POLD3: variants seen among roughly 807,000 people sequenced by gnomAD.
POLD3 encodes the protein DNA polymerase delta subunit 3.
In POLD3, 19 loss-of-function variants were observed where a neutral mutation model predicts 58.2. The observed-to-expected ratio is 0.33, with a 90% CI of 0.23 to 0.48. The LOEUF (loss-of-function observed/expected upper bound fraction) is 0.48. Among genes scored for constraint, POLD3 ranks in the 20% least tolerant of loss-of-function variants. The pLI is 0.99. For missense variants in POLD3, 504 were observed against 545.5 expected, an observed-to-expected ratio of 0.92 and a Z score of 0.76; for synonymous variants, 172 against 193.5, an observed-to-expected ratio of 0.89 and a Z score of 0.92.
intron 9 of POLD3, among the ~76,000 whole-genome samples, chr11:74,631,477 CTTT>C (rs1158260012): frequency 1.0e-4 from 11 of 110,288 alleles, no homozygotes; most frequent in African/African-American, 2.8e-4. Context: ...TTTGTCTTGT[CTTT>C]TTTTTTTTTT....
chr11:74,605,925 A>G (rs367687182), intron 3 of POLD3, among the ~76,000 whole-genome samples: 1 of 152,134 alleles, frequency 6.6e-6, no homozygotes, highest in African/African-American at 2.4e-5. Context: ...CTCTACAAAA[A>G]ATACAAAAAT....
In POLD3 at chr11:74,641,729, C is replaced by T. The variant is rs75291897; in HGVS notation, c.*963C>T. The T allele has an allele frequency of 6.6e-3, 6,466 of 985,234 alleles. 355 individuals carry two copies. The African/African-American group carries it at 0.1, about 16-fold the overall frequency. 61.0% of individuals were successfully genotyped at this position (985,234 alleles called of 1,614,324 possible). On this transcript the variant is annotated 3_prime_UTR_variant, in exon 12 of 12. Transcript: ENST00000263681. The stretch of plus-strand genomic sequence containing the variant: ...GAAAACAGAATATTCAAAAACAGCA[C>T]TTTTCCAGGAAGTTAGTGAGGAAGA...
At chr11:74,631,074 C>T (rs2032575950) in intron 9 of POLD3, among the ~76,000 whole-genome samples, 1 of 152,244 alleles carries the variant, frequency 6.6e-6, no homozygotes, top group Non-Finnish European at 1.5e-5. Context: ...TTATAAACCT[C>T]TGACATTTTA....
chr11:74,623,238 C>T (rs559116891), intron 7 of POLD3, among the ~76,000 whole-genome samples: 84 of 152,178 alleles, frequency 5.5e-4, no homozygotes, highest in African/African-American at 1.9e-3. Context: ...TCGAGACCAT[C>T]CTGGCTAACA....
chr11:74,639,172 C>T (rs1255441522), intron 11 of POLD3, among the ~76,000 whole-genome samples: 2 of 152,312 alleles, frequency 1.3e-5, no homozygotes, highest in East Asian at 1.9e-4. Context: ...GAAGCAAATT[C>T]TCAGGTCCCA....
chr11:74,636,884 C>G (rs923312890), intron 11 of POLD3, among the ~76,000 whole-genome samples: 1 of 152,192 alleles, frequency 6.6e-6, no homozygotes, highest in African/African-American at 2.4e-5. Flanking sequence ...AATTAGAGTT[C>G]AGGCTTTGAG....
intron 3 of POLD3, among the ~76,000 whole-genome samples, chr11:74,607,562 G>A (rs2031732564): frequency 1.3e-5 from 2 of 151,804 alleles, no homozygotes; most frequent in South Asian, 4.2e-4. Context: ...CACCGCGCCT[G>A]GACTTATTTT....
chr11:74,632,861 C>T (rs2032631661), intron 9 of POLD3, among the ~76,000 whole-genome samples: 1 of 126,930 alleles, frequency 7.9e-6, no homozygotes, highest in African/African-American at 3.3e-5. Flanking sequence ...TGGTGGTTTT[C>T]CTTTATTTAA....
intron 3 of POLD3, among the ~76,000 whole-genome samples, chr11:74,610,444 C>T (rs12295991): frequency 0.033 from 5,074 of 152,156 alleles, 270 homozygotes; most frequent in African/African-American, 0.11. Flanking sequence ...CTCTTGACCT[C>T]GTGATCTGCC....
At chr11:74,635,057 C>T (rs1156701200) in intron 10 of POLD3, among the ~76,000 whole-genome samples, 1 of 152,186 alleles carries the variant, frequency 6.6e-6, no homozygotes, top group African/African-American at 2.4e-5. Flanking sequence ...AACAACTTAA[C>T]ACACGTTTGT....
intron 4 of POLD3, among the ~76,000 whole-genome samples, chr11:74,650,447 T>C (rs1405921504): frequency 6.6e-6 from 1 of 152,232 alleles, no homozygotes; most frequent in Non-Finnish European, 1.5e-5. Context: ...ATATTTCTAC[T>C]TGAAGTCGTT....
At chr11:74,627,746 A>G (rs2032473306) in intron 8 of POLD3, among the ~76,000 whole-genome samples, 1 of 152,190 alleles carries the variant, frequency 6.6e-6, no homozygotes. Context: ...TACAGTATTG[A>G]GTACAGTAAC....
At chr11:74,600,331 T>C (rs1023251214) in intron 2 of POLD3, among the ~76,000 whole-genome samples, 2 of 152,176 alleles carry the variant, frequency 1.3e-5, no homozygotes, top group African/African-American at 4.8e-5. Context: ...ATGCCTGTAA[T>C]CCTAGCACTT....
At chr11:74,667,540 T>C (rs1009762840) in intron 4 of POLD3, among the ~76,000 whole-genome samples, 50 of 151,416 alleles carry the variant, frequency 3.3e-4, no homozygotes, top group African/African-American at 1.2e-3. Flanking sequence ...AAAAAAAAGG[T>C]AAATTTTATG....
downstream of POLD3, among the ~76,000 whole-genome samples, chr11:74,644,160 A>C (rs1750710813): frequency 6.6e-6 from 1 of 152,228 alleles, no homozygotes; most frequent in South Asian, 2.1e-4. Context: ...AGAAGACATT[A>C]GTTATTATAC....
chr11:74,611,258 CTG>C (rs1397951765), intron 3 of POLD3, among the ~76,000 whole-genome samples: 1 of 152,174 alleles, frequency 6.6e-6, no homozygotes, highest in African/African-American at 2.4e-5. Context: ...GTACTGAAAT[CTG>C]TGCTAGATCA....
At chr11:74,610,779 C>T in intron 3 of POLD3, among the ~76,000 whole-genome samples, 1 of 151,590 alleles carries the variant, frequency 6.6e-6, no homozygotes, top group East Asian at 2.0e-4. Context: ...TATATGTGTT[C>T]TTCTCTTTTT....
chr11:74,629,243 A>T lies in POLD3; in HGVS notation c.926A>T (p.Asp309Val), dbSNP rs1465580970. The T allele has an allele frequency of 6.2e-7, 1 of 1,605,660 alleles. No individual in the cohort carries two copies. Among genetic ancestry groups the T allele is most frequent in the Non-Finnish European group, 8.5e-7 (1 of 1,174,926 alleles). The change falls in exon 9 of 12, where the codon GAT becomes GTT. Residue 309 changes from aspartate to valine, a missense_variant. Transcript: ENST00000263681. ...KRGKRVALSD[D>V]ETKETENMRK... ...GGGAAGCGAGTAGCATTATCTGATGATGAGACAAAGGAAACTGAAAACATG... is the reference window on the plus strand; with the variant it reads ...GGGAAGCGAGTAGCATTATCTGATGTTGAGACAAAGGAAACTGAAAACATG...
intron 4 of POLD3, among the ~76,000 whole-genome samples, chr11:74,659,134 T>C (rs192002549): frequency 6.6e-6 from 1 of 152,272 alleles, no homozygotes; most frequent in East Asian, 1.9e-4. Flanking sequence ...AGTTCTTGAC[T>C]CCTGTGCACC....
Sources: allele counts gnomAD v4.1 joint callset (sites outside exome capture counted in the v4.1 genomes callset), GRCh38; gene constraint gnomAD v4.1.1; transcripts MANE v1.5; gene names NCBI Gene and HGNC (gene_info 2026-07-23, HGNC 2026-07-21).